PCDHA9: variants seen among roughly 807,000 people sequenced by gnomAD.
PCDHA9 encodes protocadherin alpha-9.
A neutral mutation model predicts 62.0 loss-of-function variants in PCDHA9; 62 were observed. That is an observed-to-expected ratio of 1.00 (90% CI 0.81 to 1.23). The LOEUF is 1.23. Ranked by LOEUF, PCDHA9 falls within the 50% of genes most tolerant of loss-of-function variation. PCDHA9 has a pLI of 0.00. For synonymous variants in PCDHA9, 557 were observed against 567.6 expected, an observed-to-expected ratio of 0.98 and a Z score of 0.27; for missense variants, 1,205 against 1,249.8, an observed-to-expected ratio of 0.96 and a Z score of 0.54.
chr5:140,869,562 A>T (rs373044645), intron 1 of PCDHA9: 50 of 1,614,050 alleles, frequency 3.1e-5, no homozygotes, highest in Non-Finnish European at 3.5e-5. Context: ...CGCGTTTTCC[A>T]CTAGAGGGAG....
chr5:141,007,915 A>G (rs561873534), intron 3 of PCDHA9, among the ~76,000 whole-genome samples: 5 of 152,308 alleles, frequency 3.3e-5, no homozygotes, highest in South Asian at 2.1e-4. Flanking sequence ...TGAAGATGCT[A>G]TATAAGCTGG....
intron 1 of PCDHA9, among the ~76,000 whole-genome samples, chr5:140,939,879 T>C (rs565550218): frequency 2.0e-5 from 3 of 152,208 alleles, no homozygotes; most frequent in Non-Finnish European, 4.4e-5. Flanking sequence ...CTTTGCTAGT[T>C]GTGTTGTTCA....
intron 3 of PCDHA9, among the ~76,000 whole-genome samples, chr5:141,005,570 C>T (rs2098221993): frequency 6.6e-6 from 1 of 151,052 alleles, no homozygotes; most frequent in African/African-American, 2.4e-5. Context: ...GGCATGGTGG[C>T]GCGTGCCTGT....
At chr5:140,857,475 T>C in intron 1 of PCDHA9, 2 of 1,598,608 alleles carry the variant, frequency 1.3e-6, no homozygotes, top group Non-Finnish European at 1.7e-6. Flanking sequence ...ATCTTCACGG[T>C]GTCTGCGTGG....
chr5:140,875,813 T>A, intron 1 of PCDHA9: 2 of 1,614,174 alleles, frequency 1.2e-6, no homozygotes, highest in Non-Finnish European at 1.7e-6. Context: ...GACAGGCCGC[T>A]GCAGGTTTTC....
At chr5:140,951,832 C>A (rs2094641157) in intron 1 of PCDHA9, among the ~76,000 whole-genome samples, 1 of 152,142 alleles carries the variant, frequency 6.6e-6, no homozygotes, top group East Asian at 1.9e-4. Context: ...CTCATTCCAG[C>A]ATTAAGCCAA....
At chr5:140,871,567 A>AT (rs1441824086) in intron 1 of PCDHA9, 49 of 1,482,936 alleles carry the variant, frequency 3.3e-5, no homozygotes, top group Non-Finnish European at 3.9e-5. Flanking sequence ...TTTTTCACGG[A>AT]TTTTTTAAGG....
At chr5:140,884,293 G>A in intron 1 of PCDHA9, 2 of 1,613,666 alleles carry the variant, frequency 1.2e-6, no homozygotes, top group Non-Finnish European at 1.7e-6. Flanking sequence ...GCGGCCAAGC[G>A]CCACAGGCTT....
chr5:140,931,430 A>G (rs1431087207), intron 1 of PCDHA9, among the ~76,000 whole-genome samples: 2 of 149,950 alleles, frequency 1.3e-5, no homozygotes, highest in Non-Finnish European at 3.0e-5. Flanking sequence ...AGTTAGAAGG[A>G]AAATTAGCTA....
At chr5:140,928,277 C>A (rs2085098556) in intron 1 of PCDHA9, 2 of 1,614,156 alleles carry the variant, frequency 1.2e-6, no homozygotes, top group South Asian at 2.2e-5. Context: ...GGCCCTGGGG[C>A]CTCTCTAGGC....
At chr5:140,915,803 A>G (rs2077309798) in intron 1 of PCDHA9, among the ~76,000 whole-genome samples, 1 of 152,026 alleles carries the variant, frequency 6.6e-6, no homozygotes, top group Admixed American at 6.6e-5. Flanking sequence ...ACTACCACCT[A>G]TGTTCACTCA....
intron 1 of PCDHA9, among the ~76,000 whole-genome samples, chr5:140,937,093 A>G (rs1466127180): frequency 6.8e-6 from 1 of 146,414 alleles, no homozygotes; most frequent in African/African-American, 2.6e-5. Context: ...GCTGGAGTGC[A>G]GTGGCGCAGT....
intron 1 of PCDHA9, among the ~76,000 whole-genome samples, chr5:140,935,422 A>G (rs2090365671): frequency 6.6e-6 from 1 of 152,228 alleles, no homozygotes; most frequent in South Asian, 2.1e-4. Context: ...TTAGAAAACA[A>G]TTTCAGCACT....
At position 140,981,034 on chromosome 5, in the gene PCDHA9, A is replaced by G. The variant is rs376817771; in HGVS notation, c.2454-1441A>G. ...ACTTGAAGGCTGTTAATATTTGGGGAAAAAAAACAGATAATTCTAGAGTGT... is the reference window on the plus strand; with the variant it reads ...ACTTGAAGGCTGTTAATATTTGGGGGAAAAAAACAGATAATTCTAGAGTGT... On this transcript the variant is annotated intron_variant, in intron 2 of 3. Transcript: ENST00000532602. Among the ~76,000 whole-genome samples, 183 of 149,642 alleles carry G rather than the reference A, an allele frequency of 1.2e-3. 1 individual carries two copies. Among genetic ancestry groups the G allele is most frequent in the African/African-American group, 4.1e-3 (163 of 39,298 alleles).
chr5:140,905,327 T>G (rs1446614190), intron 1 of PCDHA9, among the ~76,000 whole-genome samples: 1 of 152,202 alleles, frequency 6.6e-6, no homozygotes, highest in Non-Finnish European at 1.5e-5. Flanking sequence ...TATGCTTTGT[T>G]GAAGATCAGT....
intron 1 of PCDHA9, chr5:140,870,392 G>A (rs1330154432): frequency 1.9e-6 from 3 of 1,614,136 alleles, no homozygotes; most frequent in South Asian, 2.2e-5. Context: ...CGGGATGGGG[G>A]TTCGCCTTCT....
chr5:140,998,220 C>G (rs1554256199), intron 3 of PCDHA9, among the ~76,000 whole-genome samples: 1 of 152,106 alleles, frequency 6.6e-6, no homozygotes, highest in African/African-American at 2.4e-5. Context: ...ATAACCACAC[C>G]CAGAAATTTG....
At position 140,987,445 on chromosome 5, in the gene PCDHA9, G is replaced by A. The variant is rs141923390; in HGVS notation, c.2542+4882G>A. Among the ~76,000 whole-genome samples, 799 of 152,220 alleles carry A rather than the reference G, an allele frequency of 5.2e-3. 4 individuals carry two copies. The highest frequency in any genetic ancestry group is 0.018 in the African/African-American group (765 of 41,528). On this transcript the variant is annotated intron_variant, in intron 3 of 3. Transcript: ENST00000532602. ...AAGCAGGGGGCCTTTCCCCATGCCC[G>A]AGAGATAATTGTTAAGAGCTCAAGC...
intron 3 of PCDHA9, among the ~76,000 whole-genome samples, chr5:140,999,095 G>C (rs1554256620): frequency 6.6e-6 from 1 of 152,202 alleles, no homozygotes; most frequent in African/African-American, 2.4e-5. Flanking sequence ...GAGGGCTATG[G>C]AGAGTAACCT....
Sources: allele counts gnomAD v4.1 joint callset (sites outside exome capture counted in the v4.1 genomes callset), GRCh38; gene constraint gnomAD v4.1.1; transcripts MANE v1.5; gene names NCBI Gene and HGNC (gene_info 2026-07-23, HGNC 2026-07-21).